FGGY: variants seen among roughly 807,000 people sequenced by gnomAD.
FGGY encodes FGGY carbohydrate kinase domain containing.
Under a neutral mutation model 71.3 loss-of-function variants are expected in FGGY, and 72 were observed. The ratio of observed to expected loss-of-function variants is 1.01; its 90% CI spans 0.84 to 1.23. The LOEUF (loss-of-function observed/expected upper bound fraction) is 1.23, where lower values mean the gene tolerates loss of function less well. Ranked by LOEUF, FGGY falls within the 50% of genes most tolerant of loss-of-function variation. The pLI is 0.00. For missense variants in FGGY, 668 were observed against 682.3 expected, an observed-to-expected ratio of 0.98 and a Z score of 0.23; for synonymous variants, 251 against 250.3, an observed-to-expected ratio of 1.00 and a Z score of -0.02.
At chr1:59,673,521 C>T in intron 13 of FGGY, 1 of 154,726 alleles carries the variant, frequency 6.5e-6, no homozygotes, top group Non-Finnish European at 1.4e-5. Context: ...TGGCATGCAC[C>T]CTGAGAGAGG....
At chr1:59,316,059 T>C (rs2045404953) in intron 1 of FGGY, 1 of 152,198 alleles carries the variant, frequency 6.6e-6, no homozygotes, top group African/African-American at 2.4e-5. Flanking sequence ...CATGTAAAAA[T>C]TGTTGAAAGT....
chr1:59,747,482 C>G (rs2098210094), intron 14 of FGGY, among the ~76,000 whole-genome samples: 1 of 152,182 alleles, frequency 6.6e-6, no homozygotes, highest in South Asian at 2.1e-4. Context: ...GAGCAAAACC[C>G]TAATAGAATG....
At chr1:59,512,794 A>G (rs896110579) in intron 7 of FGGY, among the ~76,000 whole-genome samples, 14 of 152,182 alleles carry the variant, frequency 9.2e-5, no homozygotes, top group Admixed American at 2.0e-4. Context: ...AAACCCTTAT[A>G]AGTCTCTTAG....
intron 4 of FGGY, among the ~76,000 whole-genome samples, chr1:59,376,098 A>C (rs903138131): frequency 6.6e-6 from 1 of 152,150 alleles, no homozygotes; most frequent in African/African-American, 2.4e-5. Context: ...GCCAAAAGCC[A>C]TTCTGGTAGT....
intron 14 of FGGY, among the ~76,000 whole-genome samples, chr1:59,701,979 A>G (rs2097713215): frequency 6.6e-6 from 1 of 152,206 alleles, no homozygotes; most frequent in Non-Finnish European, 1.5e-5. Context: ...TGAGTAGTTT[A>G]AAAACAAAAA....
At chr1:59,310,609 A>G (rs1371571776) in intron 1 of FGGY, among the ~76,000 whole-genome samples, 1 of 152,226 alleles carries the variant, frequency 6.6e-6, no homozygotes, top group Admixed American at 6.5e-5. Flanking sequence ...GTAAGAAACT[A>G]TCACATTTAA....
intron 5 of FGGY, among the ~76,000 whole-genome samples, chr1:59,395,652 C>T (rs569978991): frequency 4.6e-5 from 7 of 152,112 alleles, no homozygotes; most frequent in Non-Finnish European, 1.0e-4. Flanking sequence ...AACATGCTGG[C>T]CACTATTGTG....
At chr1:59,726,070 G>A (rs1466496178) in intron 14 of FGGY, among the ~76,000 whole-genome samples, 3 of 151,978 alleles carry the variant, frequency 2.0e-5, no homozygotes, top group African/African-American at 4.8e-5. Flanking sequence ...GTTCTTTATC[G>A]AGGTGAGGAA....
At chr1:59,574,291 C>T (rs775350774) in intron 8 of FGGY, among the ~76,000 whole-genome samples, 73 of 152,274 alleles carry the variant, frequency 4.8e-4, no homozygotes, top group Admixed American at 5.2e-4. Context: ...CCAGCCTTGC[C>T]TTCTGTGGTT....
At chr1:59,675,735 G>A (rs963833133) in intron 14 of FGGY, among the ~76,000 whole-genome samples, 9 of 152,042 alleles carry the variant, frequency 5.9e-5, no homozygotes, top group Non-Finnish European at 8.8e-5. Context: ...CCCTTCCTGC[G>A]GCAAATTATA....
chr1:59,644,854 A>G (rs899829655), intron 11 of FGGY, among the ~76,000 whole-genome samples: 7 of 151,916 alleles, frequency 4.6e-5, no homozygotes, highest in South Asian at 4.2e-4. Context: ...GCACACACCT[A>G]TGGTCCCAGC....
intron 7 of FGGY, among the ~76,000 whole-genome samples, chr1:59,540,837 AG>A (rs879804867): frequency 6.6e-6 from 1 of 152,188 alleles, no homozygotes; most frequent in Non-Finnish European, 1.5e-5. Flanking sequence ...AAGTGAAGTC[AG>A]GGTGTGTCAC....
At chr1:59,506,144 T>G (rs2094374774) in intron 6 of FGGY, among the ~76,000 whole-genome samples, 1 of 152,144 alleles carries the variant, frequency 6.6e-6, no homozygotes, top group Non-Finnish European at 1.5e-5. Context: ...TTGGAAAAAG[T>G]GTCCAGTATT....
chr1:59,539,473 G>T (rs1207529336), intron 7 of FGGY, among the ~76,000 whole-genome samples: 3 of 152,198 alleles, frequency 2.0e-5, no homozygotes, highest in Non-Finnish European at 4.4e-5. Context: ...CAGTTAATTT[G>T]TGGCAAAGAT....
At chr1:59,554,610 T>G (rs1457596945) in intron 8 of FGGY, among the ~76,000 whole-genome samples, 1 of 152,078 alleles carries the variant, frequency 6.6e-6, no homozygotes, top group Non-Finnish European at 1.5e-5. Flanking sequence ...GCCAGGGAAC[T>G]CTCTCTCAAT....
intron 8 of FGGY, among the ~76,000 whole-genome samples, chr1:59,561,982 TCTA>T (rs55681389): frequency 0.074 from 11,285 of 152,212 alleles, 934 homozygotes; most frequent in African/African-American, 0.21. Flanking sequence ...AGTAAGATTC[TCTA>T]CTACTCCTAC....
chr1:59,589,129 G>A (rs1571747041), intron 8 of FGGY, among the ~76,000 whole-genome samples: 1 of 152,068 alleles, frequency 6.6e-6, no homozygotes, highest in African/African-American at 2.4e-5. Flanking sequence ...AAAAAGGCAG[G>A]AGTTGCAATC....
chr1:59,717,211 A>G (rs867284827), intron 14 of FGGY, among the ~76,000 whole-genome samples: 1 of 152,148 alleles, frequency 6.6e-6, no homozygotes, highest in Non-Finnish European at 1.5e-5. Flanking sequence ...TTGTGTTGTT[A>G]CGTTCTTCCT....
At chr1:59,703,293 T>C (rs1258379668) in intron 14 of FGGY, among the ~76,000 whole-genome samples, 2 of 152,222 alleles carry the variant, frequency 1.3e-5, no homozygotes, top group African/African-American at 4.8e-5. Flanking sequence ...TGTCCAGTGC[T>C]ATTTACTGAG....
Sources: gnomAD v4.1 joint callset for allele counts (sites outside exome capture counted in the v4.1 genomes callset) on GRCh38, gnomAD v4.1.1 for gene constraint, MANE v1.5 for transcripts, NCBI Gene and HGNC (gene_info 2026-07-23, HGNC 2026-07-21) for gene names.